Variants in DRC7 observed in about 807,000 individuals in gnomAD.
The protein encoded by DRC7 is dynein regulatory complex subunit 7, also known as coiled-coil domain containing 135.
DRC7 carries 80 observed loss-of-function variants against 104.4 expected under a neutral mutation model. That is an observed-to-expected ratio of 0.77 (90% CI 0.64 to 0.92). The LOEUF (loss-of-function observed/expected upper bound fraction) is 0.92. Ranked by LOEUF, DRC7 falls within the 40% of genes least tolerant of loss-of-function variation. DRC7 has a pLI of 0.00. For synonymous variants in DRC7, 405 were observed against 447.3 expected, an observed-to-expected ratio of 0.91 and a Z score of 1.19; for missense variants, 1,034 against 1,141.1, an observed-to-expected ratio of 0.91 and a Z score of 1.35.
In DRC7 at chr16:57,726,112, G is replaced by GGAGGACGTGGCA; in HGVS notation, c.1807_1818dup (p.Asp603_Glu606dup). 1 of 1,613,338 alleles carries GGAGGACGTGGCA rather than the reference G, an allele frequency of 6.2e-7. No individual in the cohort carries two copies. The highest frequency in any genetic ancestry group is 8.5e-7 in the Non-Finnish European group (1 of 1,180,022). On this transcript the variant is annotated inframe_insertion, in exon 14 of 19. Coordinates refer to ENST00000360716, the MANE Select transcript of DRC7 (RefSeq NM_001289162.2). The stretch of plus-strand genomic sequence containing the variant: ...TCCGCAACCCAGCGAAGCCCGCGGA[G>GGAGGACGTGGCA]GAGGACGTGGCAGAGCGCGTGTTTC...
At chr16:57,711,154 G>A (rs974541522) in intron 8 of DRC7, among the ~76,000 whole-genome samples, 4 of 152,228 alleles carry the variant, frequency 2.6e-5, no homozygotes, top group Non-Finnish European at 5.9e-5. Context: ...TCAATAGGAA[G>A]ACTCAAGCTG....
chr16:57,699,103 T>C, intron 4 of DRC7, 79 bp downstream of exon 4: 1 of 1,522,080 alleles, frequency 6.6e-7, no homozygotes, highest in Non-Finnish European at 8.9e-7. Flanking sequence ...GGGCAGGTTC[T>C]CCAAGGTCAC....
intron 8 of DRC7, chr16:57,714,058 T>A (rs556341077): frequency 6.5e-5 from 14 of 216,802 alleles, no homozygotes; most frequent in Non-Finnish European, 1.2e-4. Flanking sequence ...AGCTGTCTCA[T>A]CTTCCTTTGA....
chr16:57,701,594 G>C, intron 5 of DRC7: 1 of 207,706 alleles, frequency 4.8e-6, no homozygotes, highest in Non-Finnish European at 9.7e-6. Flanking sequence ...AAGGGAGGAG[G>C]AGGAAAGGTG....
intron 5 of DRC7, 127 bp from the exon 6 acceptor site, chr16:57,701,809 C>A: frequency 1.3e-6 from 1 of 746,282 alleles, no homozygotes; most frequent in Non-Finnish European, 2.2e-6. Context: ...GGTTAGGGGC[C>A]CAAAGCAGGT....
At chr16:57,702,619 C>T (rs185579281) in intron 6 of DRC7, among the ~76,000 whole-genome samples, 42 of 152,138 alleles carry the variant, frequency 2.8e-4, no homozygotes, top group Admixed American at 4.6e-4. Flanking sequence ...GCCAACATGG[C>T]GAAACCCTGT....
chr16:57,731,628 A>G lies in DRC7; in HGVS notation c.*370A>G. 1 of 267,590 alleles carries G rather than the reference A, an allele frequency of 3.7e-6. No homozygotes were observed. Among genetic ancestry groups the G allele is most frequent in the African/African-American group, 2.2e-5 (1 of 44,682 alleles). 16.6% of individuals were successfully genotyped at this position (267,590 alleles called of 1,614,324 possible). A position where few individuals can be genotyped will look rare whatever the true frequency, so the allele number is the denominator to read the frequency against. On this transcript the variant is annotated 3_prime_UTR_variant, in exon 19 of 19. Coordinates refer to ENST00000360716, the MANE Select transcript of DRC7 (RefSeq NM_001289162.2). The stretch of plus-strand genomic sequence containing the variant: ...GCAGATGGTCCCACAGCCATCTGCA[A>G]ACAACTGGTTATATCTCAATGTGAC...
chr16:57,711,071 C>T (rs1380617949), intron 8 of DRC7, among the ~76,000 whole-genome samples: 5 of 152,066 alleles, frequency 3.3e-5, no homozygotes, highest in Non-Finnish European at 5.9e-5. Context: ...TTCCTTTGTA[C>T]GTTTGCTGGA....
In DRC7 at chr16:57,700,256, G is replaced by T. The variant is rs2048643115; in HGVS notation, c.490G>T (p.Asp164Tyr). ...SDFLTMVPLP[D>Y]PLKPPSHLYS... ...CTTCCTCACCATGGTGCCCCTGCCT[G>T]ACCCTCTCAAGCCGGTAAGCACCAC... The change falls in exon 5 of 19, where the codon GAC becomes TAC. Residue 164 changes from aspartate (D) to tyrosine (Y), a missense_variant. Physicochemically the swap from Asp to Tyr is radical, Grantham distance 160. Transcript: ENST00000360716. 4.3e-6 allele frequency: 7 copies of T among 1,613,488 alleles called. No homozygotes were observed. The East Asian group carries it at 1.6e-4, about 36-fold the overall frequency.
chr16:57,712,037 C>G (rs7205014), intron 8 of DRC7, among the ~76,000 whole-genome samples: 2,838 of 152,276 alleles, frequency 0.019, 101 homozygotes, highest in African/African-American at 0.064. Context: ...TGTAGCTAAT[C>G]TAGTCCCTAA....
At chr16:57,704,853 C>A in intron 6 of DRC7, 23 bp from the exon 7 acceptor site, 1 of 1,612,128 alleles carries the variant, frequency 6.2e-7, no homozygotes, top group Non-Finnish European at 8.5e-7. Context: ...GCCACTGACC[C>A]TTCCTCTTCT....
At chr16:57,706,868 C>T (rs562505362) in intron 7 of DRC7, among the ~76,000 whole-genome samples, 32 of 151,560 alleles carry the variant, frequency 2.1e-4, no homozygotes, top group African/African-American at 7.5e-4. Flanking sequence ...ATCCATCCTC[C>T]CCTCTCTCCT....
intron 3 of DRC7, among the ~76,000 whole-genome samples, chr16:57,698,495 C>T (rs1277760989): frequency 2.6e-5 from 4 of 151,342 alleles, no homozygotes; most frequent in African/African-American, 9.7e-5. Flanking sequence ...GAGACCAGCC[C>T]GGGCAACATA....
intron 1 of DRC7, among the ~76,000 whole-genome samples, chr16:57,695,796 C>A (rs78115055): frequency 0.027 from 4,090 of 152,302 alleles, 159 homozygotes; most frequent in African/African-American, 0.081. Context: ...CACAGAAAGG[C>A]GCAGACAGTG....
rs114404655 is a variant in DRC7 at position 57,727,317 on chromosome 16, C to G, written c.2104C>G (p.Leu702Val). The stretch of plus-strand genomic sequence containing the variant: ...ATTTCAGGTGCTGGAGATTCTGAAG[C>G]TTCGAGAGGAAGAGGAGGCGGCGCA... The part of the protein sequence containing the change: ...SELEVLEILK[L>V]REEEEAAHTL... Residue 702 changes from leucine to valine, a missense_variant, in exon 16 of 19, where the codon CTT (leucine) becomes GTT (valine). Physicochemically the swap from Leu to Val is conservative, Grantham distance 32. Transcript: ENST00000360716. 5.0e-6 allele frequency: 8 copies of G among 1,613,208 alleles called. No homozygotes were observed. The highest frequency in any genetic ancestry group is 6.8e-6 in the Non-Finnish European group (8 of 1,179,816).
At chr16:57,705,523 T>G in intron 7 of DRC7, among the ~76,000 whole-genome samples, 1 of 139,422 alleles carries the variant, frequency 7.2e-6, no homozygotes, top group East Asian at 2.3e-4. Flanking sequence ...CATCCATCCA[T>G]CCTCCCATCC....
chr16:57,720,471 C>T (rs2048891013), intron 9 of DRC7, among the ~76,000 whole-genome samples: 1 of 152,222 alleles, frequency 6.6e-6, no homozygotes, highest in South Asian at 2.1e-4. Context: ...ATGGACCAGC[C>T]AGGGCCTGAG....
At chr16:57,720,503 G>A (rs555156369) in intron 9 of DRC7, among the ~76,000 whole-genome samples, 25 of 152,318 alleles carry the variant, frequency 1.6e-4, no homozygotes, top group South Asian at 1.2e-3. Context: ...GCAGGCAGCC[G>A]GCTGAGCACC....
intron 12 of DRC7, among the ~76,000 whole-genome samples, chr16:57,723,824 A>G (rs2048933761): frequency 1.1e-5 from 1 of 91,090 alleles, no homozygotes; most frequent in Non-Finnish European, 2.0e-5. Context: ...TTGGAAGTTG[A>G]TAATAAAAAA....
Sources: gnomAD v4.1 joint callset for allele counts (sites outside exome capture counted in the v4.1 genomes callset) on GRCh38, gnomAD v4.1.1 for gene constraint, MANE v1.5 for transcripts, NCBI Gene and HGNC (gene_info 2026-07-23, HGNC 2026-07-21) for gene names.